The following DPP6 variants were observed in gnomAD, a reference collection of about 807,000 sequenced individuals.
DPP6 encodes the protein dipeptidyl peptidase like 6, also known as A-type potassium channel modulatory protein DPP6.
Under a neutral mutation model 122.6 loss-of-function variants are expected in DPP6, and 69 were observed. The observed-to-expected ratio is 0.56, with a 90% confidence interval of 0.46 to 0.69. The LOEUF is 0.69. Ranked by LOEUF, DPP6 falls within the 30% of genes least tolerant of loss-of-function variation. The probability of loss-of-function intolerance (pLI) is 0.00; values close to 1 mark genes in which losing one functional copy is unlikely to be tolerated. For missense variants in DPP6, 928 were observed against 1,116.9 expected, an observed-to-expected ratio of 0.83 and a Z score of 2.41; for synonymous variants, 418 against 433.1, an observed-to-expected ratio of 0.97 and a Z score of 0.43.
At chr7:153,828,747 T>G in the DPP6 span, among the ~76,000 whole-genome samples, 1 of 152,298 alleles carries the variant, frequency 6.6e-6, no homozygotes, top group East Asian at 1.9e-4. Context: ...ATTTCTGCCT[T>G]TCTATACTAC....
At chr7:154,234,068 T>C (rs927017319) in intron 1 of DPP6, among the ~76,000 whole-genome samples, 2 of 152,144 alleles carry the variant, frequency 1.3e-5, no homozygotes, top group African/African-American at 4.8e-5. Flanking sequence ...GAAAGCATAT[T>C]TGGGGTGGCT....
chr7:154,376,832 C>T (rs766282782), intron 1 of DPP6, among the ~76,000 whole-genome samples: 4 of 152,162 alleles, frequency 2.6e-5, no homozygotes, highest in Non-Finnish European at 4.4e-5. Context: ...GGTAATTTGG[C>T]TCCTAACTGG....
intron 1 of DPP6, among the ~76,000 whole-genome samples, chr7:154,325,380 A>G (rs556498811): frequency 1.1e-3 from 160 of 152,322 alleles, no homozygotes; most frequent in African/African-American, 3.8e-3. Flanking sequence ...GACAAAAAAT[A>G]CTTGCTTTCC....
At chr7:153,846,758 T>G in the DPP6 span, among the ~76,000 whole-genome samples, 1 of 136,972 alleles carries the variant, frequency 7.3e-6, no homozygotes, top group East Asian at 2.5e-4. Flanking sequence ...AGTGGCGCAA[T>G]CTCCACTTAC....
chr7:154,707,981 C>T (rs963957445), intron 7 of DPP6, among the ~76,000 whole-genome samples: 1 of 152,100 alleles, frequency 6.6e-6, no homozygotes, highest in East Asian at 1.9e-4. Flanking sequence ...CCATCCGTTA[C>T]AAGCCAGTAT....
intron 3 of DPP6, among the ~76,000 whole-genome samples, chr7:154,538,610 C>T (rs1040312549): frequency 6.6e-6 from 1 of 152,146 alleles, no homozygotes; most frequent in Admixed American, 6.5e-5. Flanking sequence ...GAAATTCATT[C>T]AGAGTAAAAG....
chr7:154,432,067 G>A (rs1016094332), intron 1 of DPP6, among the ~76,000 whole-genome samples: 4 of 152,188 alleles, frequency 2.6e-5, no homozygotes, highest in Non-Finnish European at 5.9e-5. Context: ...GTAAGGAGGT[G>A]CTCTGAGTAA....
chr7:154,284,174 G>A (rs1354774557), intron 1 of DPP6, among the ~76,000 whole-genome samples: 1 of 152,130 alleles, frequency 6.6e-6, no homozygotes, highest in Non-Finnish European at 1.5e-5. Context: ...TGAGCTCTTG[G>A]TTGAGGGGAC....
At chr7:154,664,792 T>C (rs978223632) in intron 6 of DPP6, among the ~76,000 whole-genome samples, 3 of 152,224 alleles carry the variant, frequency 2.0e-5, no homozygotes, top group Admixed American at 2.0e-4. Flanking sequence ...AAAAACTTTT[T>C]ATTTTGAATA....
intron 5 of DPP6, among the ~76,000 whole-genome samples, chr7:154,575,477 G>A (rs1354233640): frequency 2.8e-4 from 28 of 98,900 alleles, no homozygotes; most frequent in Non-Finnish European, 5.0e-4. Flanking sequence ...TATGTGTGTG[G>A]TGTGTGTGTG....
chr7:154,315,943 CTTG>C (rs1006675362), intron 1 of DPP6, among the ~76,000 whole-genome samples: 1 of 152,210 alleles, frequency 6.6e-6, no homozygotes, highest in Non-Finnish European at 1.5e-5. Context: ...TGCCACGTTA[CTTG>C]TTGTATCTCT....
intron 3 of DPP6, among the ~76,000 whole-genome samples, chr7:154,509,978 C>T (rs531796842): frequency 2.6e-5 from 4 of 152,202 alleles, no homozygotes; most frequent in African/African-American, 9.6e-5. Flanking sequence ...TAAGGGATTC[C>T]TTTTTGAGAT....
At chr7:154,405,123 C>A (rs564862000) in intron 1 of DPP6, among the ~76,000 whole-genome samples, 10 of 151,964 alleles carry the variant, frequency 6.6e-5, no homozygotes, top group South Asian at 4.1e-4. Context: ...GATTTTTCAC[C>A]AACCCTATAA....
At chr7:153,866,364 A>G in the DPP6 span, among the ~76,000 whole-genome samples, 6 of 152,172 alleles carry the variant, frequency 3.9e-5, no homozygotes, top group Non-Finnish European at 5.9e-5. Context: ...GTGAGATGGT[A>G]TCTCATTGTG....
chr7:154,515,859 G>C (rs1826452696), intron 3 of DPP6, among the ~76,000 whole-genome samples: 1 of 152,140 alleles, frequency 6.6e-6, no homozygotes, highest in Non-Finnish European at 1.5e-5. Flanking sequence ...AGTGCACGGA[G>C]GCCCAGATGA....
chr7:154,859,380 A>G (rs1015907100), intron 17 of DPP6, among the ~76,000 whole-genome samples: 1 of 152,242 alleles, frequency 6.6e-6, no homozygotes, highest in Non-Finnish European at 1.5e-5. Flanking sequence ...CATGACTGGC[A>G]GCTGAGGTGT....
intron 16 of DPP6, among the ~76,000 whole-genome samples, chr7:154,822,225 T>G (rs7794095): frequency 0.8 from 121,992 of 151,586 alleles, 49,195 homozygotes; most frequent in Non-Finnish European, 0.84. Context: ...TCATCCATCC[T>G]GGCAGCTGTA....
intron 1 of DPP6, among the ~76,000 whole-genome samples, chr7:154,185,999 A>C (rs1035515410): frequency 6.6e-6 from 1 of 152,194 alleles, no homozygotes; most frequent in Non-Finnish European, 1.5e-5. Flanking sequence ...CATATGACGC[A>C]TGCACAACTC....
chr7:154,840,804 C>A (rs190200584), intron 16 of DPP6, among the ~76,000 whole-genome samples: 10 of 152,242 alleles, frequency 6.6e-5, no homozygotes, highest in Admixed American at 5.2e-4. Context: ...AGGTAGCTGG[C>A]GATTTAGAGG....
Sources: gnomAD v4.1 joint callset for allele counts (sites outside exome capture counted in the v4.1 genomes callset) on GRCh38, gnomAD v4.1.1 for gene constraint, MANE v1.5 for transcripts, NCBI Gene and HGNC (gene_info 2026-07-23, HGNC 2026-07-21) for gene names.